PLCH2: variants seen among roughly 807,000 people sequenced by gnomAD.
PLCH2 encodes phospholipase C eta 2.
In PLCH2, 98 loss-of-function variants were observed where a neutral mutation model predicts 134.7. The ratio of observed to expected loss-of-function variants is 0.73; its 90% CI spans 0.62 to 0.86. The LOEUF is 0.86. Among genes scored for constraint, PLCH2 ranks in the 40% least tolerant of loss-of-function variants. PLCH2 has a pLI of 0.00. For missense variants in PLCH2, 1,994 were observed against 1,986.6 expected (o/e 1.00, Z -0.07); for synonymous variants, 974 against 827.5 (o/e 1.18, Z -3.04).
intron 4 of PLCH2, 82 bp from the exon 5 acceptor site, chr1:2,484,366 G>A (rs1642178251): frequency 7.3e-7 from 1 of 1,377,308 alleles, no homozygotes. Context: ...TCTTGACTGG[G>A]GAGTGGGGTG....
intron 2 of PLCH2, among the ~76,000 whole-genome samples, chr1:2,437,587 C>T (rs773696112): frequency 6.6e-6 from 1 of 152,220 alleles, no homozygotes; most frequent in Admixed American, 6.5e-5. Context: ...CAGCCTCCAC[C>T]CCTTCAGAAC....
rs919217505 is a variant in PLCH2 at position 2,448,597 on chromosome 1, G to T, written c.115+17968G>T. Among the ~76,000 whole-genome samples the T allele has an allele frequency of 6.6e-6, 1 of 151,592 alleles. No individual in the cohort carries two copies. The highest frequency in any genetic ancestry group is 1.5e-5 in the Non-Finnish European group (1 of 67,838). ...GCTCTGGGATGCGGATGTGTTTTCTGTCGGGGGTCGCCCTTCAGCCCCCTA... is the reference window on the plus strand; with the variant it reads ...GCTCTGGGATGCGGATGTGTTTTCTTTCGGGGGTCGCCCTTCAGCCCCCTA... On this transcript the variant is annotated intron_variant, in intron 2 of 3. Coordinates refer to the PLCH2 transcript ENST00000609981. This position sits in a 1 kb window ranked among gnomAD's most constrained non-coding sequence, Gnocchi z 4.0.
chr1:2,429,217 C>G (rs188414399), intron 1 of PLCH2, among the ~76,000 whole-genome samples: 1,893 of 152,268 alleles, frequency 0.012, 28 homozygotes, highest in Admixed American at 0.026. Context: ...GACATGCCGA[C>G]AGGAGCCTGC....
At chr1:2,502,844 G>A (rs994274576) in intron 21 of PLCH2, 10 of 717,090 alleles carry the variant, frequency 1.4e-5, no homozygotes, top group Non-Finnish European at 2.3e-5. Flanking sequence ...CCTGCAGGGA[G>A]AGATGAGTGC....
intron 11 of PLCH2, among the ~76,000 whole-genome samples, chr1:2,492,143 G>T (rs186524747): frequency 2.9e-4 from 44 of 152,330 alleles, no homozygotes; most frequent in African/African-American, 1.0e-3. Flanking sequence ...CTAACCCTTG[G>T]GGAGGGTGGG....
chr1:2,498,233 T>G lies in PLCH2; in HGVS notation c.2225-290T>G. 4 of 321,352 alleles carry G rather than the reference T, an allele frequency of 1.2e-5. No individual in the cohort carries two copies. The highest frequency in any genetic ancestry group is 1.3e-4 in the East Asian group (2 of 15,464). 19.9% of individuals were successfully genotyped at this position (321,352 alleles called of 1,614,324 possible). On this transcript the variant is annotated intron_variant, in intron 16 of 21. Transcript: ENST00000378486. The surrounding 1 kb of genome is among the most constrained non-coding windows in gnomAD (Gnocchi z 5.4). ...ACACTGTCACCAGAGACCCCACCCC[T>G]CATACCCCCAGGGACCCAGACCCAC...
chr1:2,458,796 C>T (rs912728267), intron 2 of PLCH2, among the ~76,000 whole-genome samples: 1 of 152,232 alleles, frequency 6.6e-6, no homozygotes, highest in African/African-American at 2.4e-5. Flanking sequence ...ACGTTTCATT[C>T]CCACTTCAGC....
chr1:2,480,838 G>A (rs949979228), intron 4 of PLCH2, among the ~76,000 whole-genome samples: 1 of 151,914 alleles, frequency 6.6e-6, no homozygotes, highest in Non-Finnish European at 1.5e-5. Context: ...TTCTGTTTCC[G>A]GAAAGCCTGC....
Position 2,505,494 on chromosome 1 carries a change from A to C in PLCH2, c.*281A>C, listed in dbSNP as rs1643493435. On this transcript the variant is annotated 3_prime_UTR_variant, in exon 22 of 22. Transcript: ENST00000378486. ...GAAATATTTAAATTTTTAGAAGCAA[A>C]ACTTATACAACATTAAAATGATACC... 2 of 484,566 alleles carry C rather than the reference A, an allele frequency of 4.1e-6. No homozygotes were observed. The highest frequency in any genetic ancestry group is 3.6e-6 in the Non-Finnish European group (1 of 275,656). 30.0% of individuals were successfully genotyped at this position (484,566 alleles called of 1,614,324 possible). A position where few individuals can be genotyped will look rare whatever the true frequency, so the allele number is the denominator to read the frequency against.
At position 2,487,390 on chromosome 1, in the gene PLCH2, C is replaced by T. The variant is rs1291276776; in HGVS notation, c.1114+14C>T. On this transcript the variant is annotated intron_variant, in intron 7 of 21. Transcript: ENST00000378486. Reference sequence around the variant, plus strand: ...GCTGCGTGGAGGGTAAGCCCTGGACCTTGGGTGACGGCCGTGGGCTGGCAT... The same window carrying T: ...GCTGCGTGGAGGGTAAGCCCTGGACTTTGGGTGACGGCCGTGGGCTGGCAT... 1 of 1,607,470 alleles carries T rather than the reference C, an allele frequency of 6.2e-7. No homozygotes were observed. Among genetic ancestry groups the T allele is most frequent in the East Asian group, 2.2e-5 (1 of 44,802 alleles).
chr1:2,417,172 A>G, the PLCH2 span, among the ~76,000 whole-genome samples: 1 of 152,172 alleles, frequency 6.6e-6, no homozygotes, highest in Non-Finnish European at 1.5e-5. Flanking sequence ...GCTGGGCACC[A>G]TGACCTCGCT....
intron 2 of PLCH2, among the ~76,000 whole-genome samples, chr1:2,447,559 G>A (rs552323218): frequency 1.3e-5 from 2 of 152,328 alleles, no homozygotes; most frequent in East Asian, 1.9e-4. Flanking sequence ...CCGCTGACCC[G>A]GAGCTCCACT....
intron 4 of PLCH2, among the ~76,000 whole-genome samples, chr1:2,481,038 G>A (rs767901752): frequency 2.4e-4 from 36 of 152,236 alleles, no homozygotes; most frequent in South Asian, 1.0e-3. Flanking sequence ...ACGCATGCAC[G>A]TGCATAAATA....
chr1:2,464,819 G>A (rs1640980953), upstream of PLCH2, among the ~76,000 whole-genome samples: 1 of 152,228 alleles, frequency 6.6e-6, no homozygotes, highest in African/African-American at 2.4e-5. Flanking sequence ...GCGGACTCTG[G>A]GGTGGGCAGC....
Position 2,494,846 on chromosome 1 carries a change from C to A in PLCH2, c.1660-10C>A. On this transcript the variant is annotated splice_polypyrimidine_tract_variant and intron_variant, in intron 11 of 21. Transcript: ENST00000378486. ...GACTCACCTTGTCCCTGTCTCTCCCCTGGACTCAGAGCAAGGCTGAAGAGG... is the reference window on the plus strand; with the variant it reads ...GACTCACCTTGTCCCTGTCTCTCCCATGGACTCAGAGCAAGGCTGAAGAGG... The A allele has an allele frequency of 6.3e-7, 1 of 1,592,702 alleles. No individual in the cohort carries two copies. Among genetic ancestry groups the A allele is most frequent in the Non-Finnish European group, 8.6e-7 (1 of 1,167,716 alleles).
chr1:2,486,867 G>C, intron 5 of PLCH2, 40 bp from the exon 6 acceptor site: 1 of 1,518,458 alleles, frequency 6.6e-7, no homozygotes, highest in Non-Finnish European at 9.0e-7. Context: ...TCCCAGGCCA[G>C]GGATGGGCTG....
intron 8 of PLCH2, 24 bp downstream of exon 8, chr1:2,487,742 C>G: frequency 1.2e-6 from 2 of 1,608,418 alleles, no homozygotes; most frequent in Non-Finnish European, 1.7e-6. Flanking sequence ...CCTAGCGGGG[C>G]TGGCCCCAGA....
In PLCH2 at chr1:2,448,977, G is replaced by A. The variant is rs555674106; in HGVS notation, c.115+18348G>A. ...CCTTTGCTGGCGCGGGGAAAGGGCC[G>A]TGGGCTTGGGCCCTGGAACGCATCC... On this transcript the variant is annotated intron_variant, in intron 2 of 3. Transcript: ENST00000609981. The surrounding 1 kb of genome is among the most constrained non-coding windows in gnomAD (Gnocchi z 4.0). Among the ~76,000 whole-genome samples the A allele has an allele frequency of 1.3e-5, 2 of 152,200 alleles. No individual in the cohort carries two copies. The highest frequency in any genetic ancestry group is 2.9e-5 in the Non-Finnish European group (2 of 68,034).
intron 19 of PLCH2, 73 bp downstream of exon 19, chr1:2,499,303 G>A: frequency 6.5e-7 from 1 of 1,535,904 alleles, no homozygotes; most frequent in Non-Finnish European, 8.9e-7. Context: ...TCTTTCCCCT[G>A]TGAGTCAGTG....
Sources: gnomAD v4.1 joint callset for allele counts (sites outside exome capture counted in the v4.1 genomes callset) on GRCh38, gnomAD v4.1.1 for gene constraint, Gnocchi (gnomAD v3.1) non-coding constraint, MANE v1.5 for transcripts, NCBI Gene and HGNC (gene_info 2026-07-23, HGNC 2026-07-21) for gene names.